The following SGCZ variants were observed in gnomAD, a reference collection of about 807,000 sequenced individuals.
SGCZ encodes zeta-sarcoglycan.
SGCZ carries 40 observed loss-of-function variants against 41.3 expected under a neutral mutation model. The observed-to-expected ratio is 0.97, with a 90% CI of 0.75 to 1.26. SGCZ has a LOEUF of 1.26. SGCZ is among the 50% of genes most tolerant of loss of function. SGCZ has a pLI of 0.00. For synonymous variants in SGCZ, 206 were observed against 137.5 expected (o/e 1.50, Z -3.49); for missense variants, 552 against 369.8 (o/e 1.49, Z -4.04).
At chr8:15,164,225 TG>T (rs1256610395) in intron 1 of SGCZ, among the ~76,000 whole-genome samples, 1 of 152,180 alleles carries the variant, frequency 6.6e-6, no homozygotes, top group Non-Finnish European at 1.5e-5. Context: ...GCTTGAGAAG[TG>T]GTGAGTGAAA....
At position 14,254,279 on chromosome 8, in the gene SGCZ, C is replaced by A. The variant is rs191732156; in HGVS notation, c.337-16600G>T. On this transcript the variant is annotated intron_variant, in intron 3 of 7. Transcript: ENST00000382080. ...TGATAAAAGAAAGCAAAGAAATTTACACAGAAAAATATTTTCCCACAATAC... is the reference window on the plus strand; with the variant it reads ...TGATAAAAGAAAGCAAAGAAATTTAAACAGAAAAATATTTTCCCACAATAC... Among the ~76,000 whole-genome samples, 20 of 152,210 alleles carry A rather than the reference C, an allele frequency of 1.3e-4. No individual in the cohort carries two copies. In the East Asian group the frequency reaches 3.3e-3, roughly 25 times the overall value.
chr8:14,709,296 C>T (rs1809438388), intron 1 of SGCZ, among the ~76,000 whole-genome samples: 3 of 152,146 alleles, frequency 2.0e-5, no homozygotes, highest in Admixed American at 6.5e-5. Context: ...GAATGTCTTG[C>T]GTGTGTAACT....
chr8:14,476,558 C>T (rs779589224), intron 2 of SGCZ, among the ~76,000 whole-genome samples: 15 of 152,102 alleles, frequency 9.9e-5, no homozygotes, highest in Non-Finnish European at 1.5e-4. Flanking sequence ...ATTTCTCTCT[C>T]TAACTCTTGA....
intron 1 of SGCZ, among the ~76,000 whole-genome samples, chr8:15,217,768 G>A (rs1337421486): frequency 1.3e-5 from 2 of 152,308 alleles, no homozygotes; most frequent in East Asian, 3.9e-4. Context: ...TTCAAGCAAA[G>A]CAATGTGATA....
chr8:14,290,997 T>C (rs1015221387), intron 3 of SGCZ, among the ~76,000 whole-genome samples: 2 of 152,080 alleles, frequency 1.3e-5, no homozygotes, highest in Non-Finnish European at 2.9e-5. Flanking sequence ...TACCATGAAA[T>C]AATATTCAGC....
chr8:15,196,559 G>A (rs979594911), intron 1 of SGCZ, among the ~76,000 whole-genome samples: 2 of 124,214 alleles, frequency 1.6e-5, no homozygotes, highest in African/African-American at 5.2e-5. Context: ...ACTTGCCAAA[G>A]TTTTCATTTG....
chr8:14,289,078 G>C (rs138650147), intron 3 of SGCZ, among the ~76,000 whole-genome samples: 2 of 152,118 alleles, frequency 1.3e-5, no homozygotes, highest in African/African-American at 4.8e-5. Context: ...TATCTTCTTT[G>C]GATAAACGTG....
intron 1 of SGCZ, among the ~76,000 whole-genome samples, chr8:15,174,492 G>A (rs760343673): frequency 5.3e-5 from 8 of 152,098 alleles, no homozygotes; most frequent in African/African-American, 1.2e-4. Context: ...TGGTAAGCTT[G>A]ACGAAAATAC....
chr8:14,468,300 A>G (rs1359022486), intron 2 of SGCZ, among the ~76,000 whole-genome samples: 1 of 152,116 alleles, frequency 6.6e-6, no homozygotes, highest in African/African-American at 2.4e-5. Flanking sequence ...AATTAGAACA[A>G]AAACCATATG....
chr8:14,147,107 T>G (rs1162912283), intron 5 of SGCZ, among the ~76,000 whole-genome samples: 5 of 151,718 alleles, frequency 3.3e-5, no homozygotes, highest in African/African-American at 9.7e-5. Flanking sequence ...AAACCAAATA[T>G]GTACAATAGA....
At chr8:14,323,110 A>G (rs1281428889) in intron 3 of SGCZ, among the ~76,000 whole-genome samples, 1 of 152,114 alleles carries the variant, frequency 6.6e-6, no homozygotes, top group Non-Finnish European at 1.5e-5. Flanking sequence ...AAGCTGTATC[A>G]GTTTGCATAT....
chr8:14,821,902 C>A (rs932529683), intron 1 of SGCZ, among the ~76,000 whole-genome samples: 2 of 152,086 alleles, frequency 1.3e-5, no homozygotes, highest in Non-Finnish European at 2.9e-5. Context: ...AAATTAGGAA[C>A]TAGACAAGGT....
At chr8:14,538,086 AG>A in intron 2 of SGCZ, among the ~76,000 whole-genome samples, 1 of 152,058 alleles carries the variant, frequency 6.6e-6, no homozygotes, top group East Asian at 1.9e-4. Context: ...ATAATTTTAA[AG>A]TATATGTATA....
chr8:14,356,606 A>C (rs897345783), intron 2 of SGCZ, among the ~76,000 whole-genome samples: 3 of 152,224 alleles, frequency 2.0e-5, no homozygotes, highest in African/African-American at 7.2e-5. Context: ...TTTTAGCCCA[A>C]TATAATAGAA....
intron 1 of SGCZ, among the ~76,000 whole-genome samples, chr8:15,197,614 T>A (rs1374144922): frequency 6.6e-6 from 1 of 151,940 alleles, no homozygotes; most frequent in Non-Finnish European, 1.5e-5. Context: ...AAAATCAGAA[T>A]GAATAAAGAA....
chr8:15,159,433 G>C (rs1799432943), intron 1 of SGCZ, among the ~76,000 whole-genome samples: 1 of 152,140 alleles, frequency 6.6e-6, no homozygotes, highest in African/African-American at 2.4e-5. Flanking sequence ...GTCATCAGAA[G>C]TTCCTGAGGC....
intron 4 of SGCZ, among the ~76,000 whole-genome samples, chr8:14,190,566 G>A (rs1036995337): frequency 1.3e-5 from 2 of 151,988 alleles, no homozygotes; most frequent in African/African-American, 4.8e-5. Flanking sequence ...GTACACAGAA[G>A]AGGGATTGTT....
intron 1 of SGCZ, among the ~76,000 whole-genome samples, chr8:14,814,414 G>C (rs937991419): frequency 2.6e-5 from 4 of 152,092 alleles, no homozygotes; most frequent in Non-Finnish European, 4.4e-5. Flanking sequence ...CACTTGCACA[G>C]AACTAGGAAG....
At chr8:14,866,596 G>C (rs996001254) in intron 1 of SGCZ, among the ~76,000 whole-genome samples, 2 of 152,052 alleles carry the variant, frequency 1.3e-5, no homozygotes, top group African/African-American at 4.8e-5. Flanking sequence ...GATCGCTTGA[G>C]TCCAGGAGTT....
Sources: gnomAD v4.1 joint callset for allele counts (sites outside exome capture counted in the v4.1 genomes callset) on GRCh38, gnomAD v4.1.1 for gene constraint, MANE v1.5 for transcripts, NCBI Gene and HGNC (gene_info 2026-07-23, HGNC 2026-07-21) for gene names.